SUSD5: variants seen among roughly 807,000 people sequenced by gnomAD.
The protein encoded by SUSD5 is sushi domain containing 5, also known as sushi domain-containing protein 5.
A neutral mutation model predicts 29.5 loss-of-function variants in SUSD5; 33 were observed. The ratio of observed to expected loss-of-function variants is 1.12; its 90% confidence interval spans 0.85 to 1.49. The LOEUF is 1.49. SUSD5 is among the 40% of genes most tolerant of loss of function. The probability of loss-of-function intolerance (pLI) is 0.00; values close to 1 mark genes in which losing one functional copy is unlikely to be tolerated. For missense variants in SUSD5, 776 were observed against 800.6 expected (o/e 0.97, Z 0.37); for synonymous variants, 308 against 325.3 (o/e 0.95, Z 0.57).
chr3:33,175,030 G>A lies in SUSD5; in HGVS notation c.454C>T (p.Gln152Ter), dbSNP rs1227547768. Residue 152 changes from glutamine (Q) to a stop codon, truncating the protein, a stop_gained, in exon 4 of 5, where the codon CAG becomes TAG. Transcript: ENST00000309558. LOFTEE classifies it high-confidence loss of function. The part of the protein sequence containing the change: ...DPPSFPHTIL[Q>*]GRTGLEMGDE... ...CCCATTTCCAAGCCGGTGCGGCCCT[G>A]CAGGATGGTGTGTGGGAACGAAGGC... The A allele has an allele frequency of 6.2e-7, 1 of 1,614,048 alleles. No homozygotes were observed. Among genetic ancestry groups the A allele is most frequent in the Admixed American group, 1.7e-5 (1 of 60,032 alleles).
chr3:33,191,638 G>A (rs2031893259), intron 3 of SUSD5, among the ~76,000 whole-genome samples: 2 of 151,914 alleles, frequency 1.3e-5, no homozygotes, highest in Admixed American at 6.6e-5. Flanking sequence ...TTGAATATGA[G>A]TGTTTAAGAA....
intron 1 of SUSD5, among the ~76,000 whole-genome samples, chr3:33,217,737 G>A (rs1440135618): frequency 1.3e-5 from 2 of 151,330 alleles, no homozygotes; most frequent in Admixed American, 1.3e-4. Flanking sequence ...AATATCGTTG[G>A]CTAAACAAGA....
rs140087445 is a variant in SUSD5, at chr3:33,211,580, C to T, written c.290+2348G>A. Among the ~76,000 whole-genome samples, 216 of 152,294 alleles carry T rather than the reference C, an allele frequency of 1.4e-3. 1 individual carries two copies. Among genetic ancestry groups the T allele is most frequent in the Non-Finnish European group, 1.5e-3 (105 of 68,024 alleles). On this transcript the variant is annotated intron_variant, in intron 2 of 4. Coordinates refer to ENST00000309558, the MANE Select transcript of SUSD5 (RefSeq NM_015551.2). ...TATTCAGTTGCTGCTTCATACTTGG[C>T]ACATTTGGAGACATGAGTCAGCATG... is the stretch of plus-strand genomic sequence containing the variant.
At chr3:33,214,144 A>T in intron 1 of SUSD5, 39 bp from the exon 2 acceptor site, 1 of 1,542,802 alleles carries the variant, frequency 6.5e-7, no homozygotes, top group Non-Finnish European at 8.8e-7. Flanking sequence ...GGATTTCAGG[A>T]TCCATGGGAA....
chr3:33,201,296 ACTC>A lies in SUSD5; in HGVS notation c.409+6509_409+6511del, dbSNP rs539570900. Among the ~76,000 whole-genome samples the A allele has an allele frequency of 9.3e-4, 142 of 152,036 alleles. No homozygotes were observed. In the Middle Eastern group the frequency reaches 0.01, roughly 11 times the overall value. On this transcript the variant is annotated intron_variant, in intron 3 of 4. Coordinates refer to ENST00000309558, the MANE Select transcript of SUSD5 (RefSeq NM_015551.2). ...ATATGTCTGCAAGGCAGGGCTTTGA[ACTC>A]CTCCTCACATTTACCACATGCCAGA... is the stretch of plus-strand genomic sequence containing the variant.
intron 4 of SUSD5, among the ~76,000 whole-genome samples, chr3:33,161,000 T>C (rs1236020805): frequency 6.6e-6 from 1 of 151,770 alleles, no homozygotes; most frequent in African/African-American, 2.4e-5. Context: ...AAAGAAACAA[T>C]AAAAGCCGGA....
intron 4 of SUSD5, among the ~76,000 whole-genome samples, chr3:33,169,782 T>C (rs975080853): frequency 1.3e-5 from 2 of 152,192 alleles, no homozygotes; most frequent in Non-Finnish European, 2.9e-5. Context: ...GAGGTCCAGC[T>C]TGGGGTCAAG....
In SUSD5 at chr3:33,180,839, C is replaced by CA. The variant is rs150992682; in HGVS notation, c.410-5766dup. On this transcript the variant is annotated intron_variant, in intron 3 of 4. Transcript: ENST00000309558. ...TCACTGACGGAGCAAGACTTTGCCTCAAAAAAAAAATTTTTTTTTTTTTTT... is the reference window on the plus strand; with the variant it reads ...TCACTGACGGAGCAAGACTTTGCCTCAAAAAAAAAAATTTTTTTTTTTTTTT... 1.2e-3 allele frequency among the ~76,000 whole-genome samples: 172 copies of CA among 144,504 alleles called. 1 individual carries two copies. The highest frequency in any genetic ancestry group is 2.4e-3 in the South Asian group (11 of 4,524). The allele number at this position is 144,504 out of a possible 152,430, so 94.8% of individuals were successfully genotyped here. A position where few individuals can be genotyped will look rare whatever the true frequency, so the allele number is the denominator to read the frequency against.
chr3:33,165,279 T>C (rs2031281404), intron 4 of SUSD5, among the ~76,000 whole-genome samples: 1 of 152,152 alleles, frequency 6.6e-6, no homozygotes, highest in Non-Finnish European at 1.5e-5. Flanking sequence ...ACATAATGTA[T>C]GCTTCCACTT....
intron 1 of SUSD5, 114 bp downstream of exon 1, chr3:33,218,572 G>C: frequency 3.1e-6 from 3 of 977,276 alleles, no homozygotes; most frequent in Non-Finnish European, 4.0e-6. Flanking sequence ...GTTCCTCTCA[G>C]GCTTGCGCTT....
chr3:33,182,962 ATT>A (rs34961184), intron 3 of SUSD5, among the ~76,000 whole-genome samples: 70 of 141,032 alleles, frequency 5.0e-4, no homozygotes, highest in Middle Eastern at 3.7e-3. Flanking sequence ...AATTTTTTGT[ATT>A]TTTTTTTTTT....
At chr3:33,195,733 G>T (rs145259032) in intron 3 of SUSD5, among the ~76,000 whole-genome samples, 2,323 of 127,744 alleles carry the variant, frequency 0.018, 56 homozygotes, top group African/African-American at 0.06. Context: ...TAGATCTATA[G>T]CCATATAAAT....
chr3:33,188,892 GTTAAT>G (rs2031830918), intron 3 of SUSD5, among the ~76,000 whole-genome samples: 1 of 152,110 alleles, frequency 6.6e-6, no homozygotes, highest in African/African-American at 2.4e-5. Flanking sequence ...AATGAACTAA[GTTAAT>G]TTAAAAAATA....
chr3:33,213,612 A>G (rs962310469), intron 2 of SUSD5, among the ~76,000 whole-genome samples: 3 of 151,894 alleles, frequency 2.0e-5, no homozygotes, highest in African/African-American at 7.3e-5. Flanking sequence ...CATCTCTACT[A>G]AAAATACAAA....
At chr3:33,154,093 A>G in intron 4 of SUSD5, 60 bp from the exon 5 acceptor site, 2 of 1,362,536 alleles carry the variant, frequency 1.5e-6, no homozygotes, top group Non-Finnish European at 2.0e-6. Context: ...AGTATAGAAC[A>G]TAAGAAAAGG....
intron 3 of SUSD5, among the ~76,000 whole-genome samples, chr3:33,187,908 G>A (rs554940789): frequency 1.3e-4 from 19 of 149,758 alleles, no homozygotes; most frequent in African/African-American, 4.4e-4. Context: ...GCAGTGTTTG[G>A]TTTTTTGTCC....
intron 2 of SUSD5, among the ~76,000 whole-genome samples, chr3:33,210,218 C>T (rs2032297203): frequency 6.6e-6 from 1 of 152,202 alleles, no homozygotes; most frequent in African/African-American, 2.4e-5. Context: ...AATTCAGGGT[C>T]ATCTCAATCC....
rs373790556 is a variant in SUSD5 at position 33,198,737 on chromosome 3, G to A, written c.409+9071C>T. On this transcript the variant is annotated intron_variant, in intron 3 of 4. Transcript: ENST00000309558. The stretch of plus-strand genomic sequence containing the variant: ...AAACACACCAAGCTCTTTCCTGCCC[G>A]CAGTCTGACATGGCTATGCAGTCTG... 5.1e-4 allele frequency among the ~76,000 whole-genome samples: 78 copies of A among 152,202 alleles called. 1 individual carries two copies. The South Asian group carries it at 0.014, about 27-fold the overall frequency.
chr3:33,170,717 C>G (rs944729655), intron 4 of SUSD5, among the ~76,000 whole-genome samples: 2 of 152,218 alleles, frequency 1.3e-5, no homozygotes, highest in East Asian at 1.9e-4. Flanking sequence ...GGCCAGCTGC[C>G]GGTCTCCAGA....
Sources: gnomAD v4.1 joint callset for allele counts (sites outside exome capture counted in the v4.1 genomes callset) on GRCh38, gnomAD v4.1.1 for gene constraint, MANE v1.5 for transcripts, NCBI Gene and HGNC (gene_info 2026-07-23, HGNC 2026-07-21) for gene names.